The following C8orf34 variants were observed in gnomAD, a reference collection of about 807,000 sequenced individuals.
The protein encoded by C8orf34 is uncharacterized protein C8orf34.
C8orf34 carries 65 observed loss-of-function variants against 68.3 expected under a neutral mutation model. That is an observed-to-expected ratio of 0.95 (90% CI 0.78 to 1.17). The LOEUF (loss-of-function observed/expected upper bound fraction) is 1.17, where lower values mean the gene tolerates loss of function less well. Ranked by LOEUF, C8orf34 falls within the 50% of genes most tolerant of loss-of-function variation. The pLI, the probability that C8orf34 is intolerant of heterozygous loss-of-function variation, is 0.00. For synonymous variants in C8orf34, 244 were observed against 241.2 expected, an observed-to-expected ratio of 1.01 and a Z score of -0.11; for missense variants, 664 against 655.4, an observed-to-expected ratio of 1.01 and a Z score of -0.14.
chr8:68,456,806 G>GTAGC (rs1248001918), intron 3 of C8orf34, among the ~76,000 whole-genome samples: 1 of 152,180 alleles, frequency 6.6e-6, no homozygotes, highest in Non-Finnish European at 1.5e-5. Context: ...GATCTGCAAG[G>GTAGC]TAGCGTTATA....
chr8:68,578,994 A>T lies in C8orf34; in HGVS notation c.1105+45845A>T, dbSNP rs577480929. 2.0e-5 allele frequency among the ~76,000 whole-genome samples: 3 copies of T among 152,254 alleles called. No homozygotes were observed. The South Asian group carries it at 6.2e-4, about 32-fold the overall frequency. On this transcript the variant is annotated intron_variant, in intron 7 of 13. Coordinates refer to ENST00000518698, the MANE Select transcript of C8orf34 (RefSeq NM_052958.4). ...AATAAATAAGGCTCAACACAGCACA[A>T]CTTATCCAAAATTGAGTAGAAAATA...
intron 8 of C8orf34, among the ~76,000 whole-genome samples, chr8:68,698,585 A>G (rs574825799): frequency 2.6e-5 from 4 of 152,210 alleles, no homozygotes; most frequent in Admixed American, 6.6e-5. Context: ...TTTCAGCACC[A>G]TAAAGGGATC....
chr8:68,435,795 A>G (rs1311286689), intron 1 of C8orf34, among the ~76,000 whole-genome samples: 1 of 152,204 alleles, frequency 6.6e-6, no homozygotes, highest in African/African-American at 2.4e-5. Context: ...GCACTTAATG[A>G]GTGCTTTGTA....
At chr8:68,464,277 C>T (rs982131754) in intron 3 of C8orf34, among the ~76,000 whole-genome samples, 1 of 152,070 alleles carries the variant, frequency 6.6e-6, no homozygotes, top group Admixed American at 6.6e-5. Context: ...GAACTACAAA[C>T]CACTGCTCAA....
At chr8:68,482,523 C>T (rs1218730909) in intron 4 of C8orf34, among the ~76,000 whole-genome samples, 1 of 152,194 alleles carries the variant, frequency 6.6e-6, no homozygotes, top group Non-Finnish European at 1.5e-5. Flanking sequence ...GATCCTCCCA[C>T]CTCGGCTTCC....
In C8orf34 at chr8:68,500,804, T is replaced by A. The variant is rs555421282; in HGVS notation, c.765+12753T>A. Among the ~76,000 whole-genome samples, 79 of 152,128 alleles carry A rather than the reference T, an allele frequency of 5.2e-4. 1 individual carries two copies. The highest frequency in any genetic ancestry group is 1.8e-3 in the African/African-American group (75 of 41,528). ...AAATCAGGGGAAGGGTATACAGAAT[T>A]TTTTTTTCTTTTTGCAACTTTTCTG... On this transcript the variant is annotated intron_variant, in intron 5 of 13. Coordinates refer to ENST00000518698, the MANE Select transcript of C8orf34 (RefSeq NM_052958.4).
chr8:68,494,568 CT>C (rs1190756193), intron 5 of C8orf34, among the ~76,000 whole-genome samples: 1 of 152,016 alleles, frequency 6.6e-6, no homozygotes, highest in Non-Finnish European at 1.5e-5. Context: ...AAAATATAGT[CT>C]TTTAGTCTGG....
chr8:68,707,158 A>C (rs772330914), intron 8 of C8orf34, among the ~76,000 whole-genome samples: 1 of 152,198 alleles, frequency 6.6e-6, no homozygotes, highest in Non-Finnish European at 1.5e-5. Flanking sequence ...AACCTCTTAC[A>C]GAAGTGGTGC....
intron 10 of C8orf34, among the ~76,000 whole-genome samples, chr8:68,755,307 GCTCT>G (rs1822823400): frequency 6.6e-6 from 1 of 152,164 alleles, no homozygotes; most frequent in East Asian, 1.9e-4. Context: ...TTTTGAGTCT[GCTCT>G]AATTCCCTGT....
intron 5 of C8orf34, among the ~76,000 whole-genome samples, chr8:68,512,716 T>C (rs1814328804): frequency 6.6e-6 from 1 of 151,848 alleles, no homozygotes. Context: ...GCTTTTCCTA[T>C]CTAATTTAAA....
chr8:68,395,263 A>T (rs1018725461), intron 1 of C8orf34, among the ~76,000 whole-genome samples: 5 of 151,838 alleles, frequency 3.3e-5, no homozygotes, highest in Non-Finnish European at 7.4e-5. Flanking sequence ...TGGACATATA[A>T]CTATTGGGGA....
chr8:68,732,783 A>C (rs75068151), intron 10 of C8orf34, among the ~76,000 whole-genome samples: 12,327 of 152,262 alleles, frequency 0.081, 543 homozygotes, highest in Middle Eastern at 0.16. Flanking sequence ...TTTCCAAATA[A>C]AATTTGTTAG....
chr8:68,343,698 A>G (rs182078056), intron 1 of C8orf34, among the ~76,000 whole-genome samples: 72 of 151,486 alleles, frequency 4.8e-4, no homozygotes, highest in Non-Finnish European at 4.4e-5. Context: ...GGTTCAAACG[A>G]TCCTTCTGCC....
At chr8:68,501,856 G>T (rs1813785663) in intron 5 of C8orf34, among the ~76,000 whole-genome samples, 1 of 152,120 alleles carries the variant, frequency 6.6e-6, no homozygotes, top group South Asian at 2.1e-4. Flanking sequence ...CCAGAGCTAA[G>T]AATTTTCTGC....
rs148356395 is a variant in C8orf34 at position 68,504,736 on chromosome 8, G to C, written c.765+16685G>C. ...GCTCTGTCGCCGAGGCTGGAGTGGA[G>C]TGGTGTGATCTCAGCTCACTGCAAC... is the stretch of plus-strand genomic sequence containing the variant. On this transcript the variant is annotated intron_variant, in intron 5 of 13. Transcript: ENST00000518698. Among the ~76,000 whole-genome samples, 966 of 151,016 alleles carry C rather than the reference G, an allele frequency of 6.4e-3. 16 individuals carry two copies. Among genetic ancestry groups the C allele is most frequent in the African/African-American group, 0.022 (916 of 41,024 alleles).
At chr8:68,786,154 T>C (rs1563668909) in intron 11 of C8orf34, among the ~76,000 whole-genome samples, 1 of 152,192 alleles carries the variant, frequency 6.6e-6, no homozygotes, top group South Asian at 2.1e-4. Context: ...AAGAGTGAAT[T>C]GACAGATCAT....
intron 1 of C8orf34, among the ~76,000 whole-genome samples, chr8:68,419,857 T>G (rs1171268431): frequency 5.6e-5 from 8 of 143,226 alleles, no homozygotes; most frequent in African/African-American, 7.7e-5. Context: ...AGGGATGGCA[T>G]TGGGAGATAT....
chr8:68,699,133 TTC>T (rs1422838826), intron 8 of C8orf34, among the ~76,000 whole-genome samples: 1 of 151,812 alleles, frequency 6.6e-6, no homozygotes, highest in Admixed American at 6.6e-5. Flanking sequence ...GCAATCTGTG[TTC>T]TAGAAGTCCT....
At chr8:68,811,050 C>A (rs1824635373) in intron 12 of C8orf34, among the ~76,000 whole-genome samples, 3 of 152,224 alleles carry the variant, frequency 2.0e-5, no homozygotes, top group African/African-American at 7.2e-5. Context: ...CGCCATCAAC[C>A]TGCCATTCAC....
Sources: allele counts gnomAD v4.1 joint callset (sites outside exome capture counted in the v4.1 genomes callset), GRCh38; gene constraint gnomAD v4.1.1; transcripts MANE v1.5; gene names NCBI Gene and HGNC (gene_info 2026-07-23, HGNC 2026-07-21).